Variants in LMTK2 observed in about 807,000 individuals in gnomAD.
The protein encoded by LMTK2 is serine/threonine-protein kinase LMTK2.
A neutral mutation model predicts 127.5 loss-of-function variants in LMTK2; 37 were observed. The observed-to-expected ratio is 0.29, with a 90% CI of 0.22 to 0.38. The LOEUF (loss-of-function observed/expected upper bound fraction) is 0.38, where lower values mean the gene tolerates loss of function less well. Ranked by LOEUF, LMTK2 falls within the 10% of genes least tolerant of loss-of-function variation. The probability of loss-of-function intolerance (pLI) is 1.00; values close to 1 mark genes in which losing one functional copy is unlikely to be tolerated. For missense variants in LMTK2, 1,694 were observed against 1,920.3 expected, an observed-to-expected ratio of 0.88 and a Z score of 2.20; for synonymous variants, 819 against 810.1, an observed-to-expected ratio of 1.01 and a Z score of -0.19.
intron 9 of LMTK2, among the ~76,000 whole-genome samples, chr7:98,189,919 C>G (rs1232917111): frequency 2.0e-5 from 3 of 151,986 alleles, no homozygotes; most frequent in African/African-American, 7.2e-5. Context: ...GTGGGTCTCA[C>G]AGAGAGGATA....
intron 6 of LMTK2, among the ~76,000 whole-genome samples, chr7:98,163,888 T>C (rs1797050857): frequency 6.6e-6 from 1 of 152,224 alleles, no homozygotes; most frequent in Admixed American, 6.5e-5. Context: ...AAAAAGCTGC[T>C]GTGGCCACGG....
At chr7:98,162,948 TAAAAG>T (rs565649473) in intron 6 of LMTK2, among the ~76,000 whole-genome samples, 1 of 152,208 alleles carries the variant, frequency 6.6e-6, no homozygotes, top group South Asian at 2.1e-4. Flanking sequence ...GGAGGATTGT[TAAAAG>T]GAAGGAAATT....
chr7:98,126,082 G>A lies in LMTK2; in HGVS notation c.104-11233G>A, dbSNP rs746117167. Among the ~76,000 whole-genome samples, 25 of 152,318 alleles carry A rather than the reference G, an allele frequency of 1.6e-4. 1 individual carries two copies. The Middle Eastern group carries it at 0.01, about 62-fold the overall frequency. ...GGGCTCTGAGAACATAGACTCCATC[G>A]AGGGATTGTAGGAGATTTGAAAGAA... On this transcript the variant is annotated intron_variant, in intron 1 of 13. Coordinates refer to ENST00000297293, the MANE Select transcript of LMTK2 (RefSeq NM_014916.4).
At chr7:98,162,663 C>T (rs375022103) in intron 6 of LMTK2, among the ~76,000 whole-genome samples, 20 of 152,280 alleles carry the variant, frequency 1.3e-4, no homozygotes, top group Non-Finnish European at 2.4e-4. Flanking sequence ...TTAATTTAAG[C>T]GTCCCACCTA....
intron 9 of LMTK2, among the ~76,000 whole-genome samples, chr7:98,188,796 G>A (rs1797476937): frequency 6.6e-6 from 1 of 152,164 alleles, no homozygotes. Flanking sequence ...ACCTTTTGGG[G>A]TTGATTGTAT....
intron 1 of LMTK2, among the ~76,000 whole-genome samples, chr7:98,111,640 G>A (rs1279656928): frequency 6.6e-6 from 1 of 152,174 alleles, no homozygotes; most frequent in Admixed American, 6.5e-5. Flanking sequence ...GGGCACAGTG[G>A]TGTACCCTCT....
At position 98,208,568 on chromosome 7, in the gene LMTK2, C is replaced by A. The variant is rs1390816141; in HGVS notation, c.*3076C>A. The A allele has an allele frequency of 4.6e-5, 7 of 152,148 alleles. No individual in the cohort carries two copies. 9.4% of individuals were successfully genotyped at this position (152,148 alleles called of 1,614,324 possible). A position where few individuals can be genotyped will look rare whatever the true frequency, so the allele number is the denominator to read the frequency against. Reference sequence around the variant, plus strand: ...CAACCCAGAATCAATCTGAATTAGTCCTGTTTTGGTGGAGTTTGTACATTT... The same window carrying A: ...CAACCCAGAATCAATCTGAATTAGTACTGTTTTGGTGGAGTTTGTACATTT... On this transcript the variant is annotated 3_prime_UTR_variant, in exon 14 of 14. Transcript: ENST00000297293.
intron 9 of LMTK2, among the ~76,000 whole-genome samples, chr7:98,187,595 T>G (rs866482232): frequency 2.0e-5 from 3 of 151,808 alleles, no homozygotes; most frequent in Non-Finnish European, 2.9e-5. Context: ...TATATATGTT[T>G]TTGTTGTTGT....
intron 6 of LMTK2, among the ~76,000 whole-genome samples, chr7:98,168,204 T>C (rs184697053): frequency 3.9e-5 from 6 of 152,076 alleles, no homozygotes; most frequent in Non-Finnish European, 8.8e-5. Context: ...TGGGAGGTGT[T>C]TGGGGCCAGA....
intron 2 of LMTK2, among the ~76,000 whole-genome samples, 159 bp downstream of exon 2, chr7:98,137,601 T>C (rs916093299): frequency 3.9e-5 from 6 of 152,204 alleles, no homozygotes; most frequent in African/African-American, 1.4e-4. Context: ...ATAGTAAATA[T>C]TGTGGGCCAT....
chr7:98,117,123 G>T (rs1796298750), intron 1 of LMTK2, among the ~76,000 whole-genome samples: 1 of 152,048 alleles, frequency 6.6e-6, no homozygotes, highest in African/African-American at 2.4e-5. Context: ...CCCTCCCCAT[G>T]GTGTACGAGT....
chr7:98,127,146 TGATA>T (rs1333707393), intron 1 of LMTK2, among the ~76,000 whole-genome samples: 1 of 152,224 alleles, frequency 6.6e-6, no homozygotes, highest in African/African-American at 2.4e-5. Flanking sequence ...GAAACCTTGA[TGATA>T]GATGGGTTTG....
At chr7:98,137,570 A>T in intron 2 of LMTK2, 128 bp downstream of exon 2, 1 of 762,994 alleles carries the variant, frequency 1.3e-6, no homozygotes, top group Non-Finnish European at 2.0e-6. Context: ...GCCAAATAGT[A>T]AATATTTTCT....
At chr7:98,144,194 G>A (rs1283358115) in intron 3 of LMTK2, among the ~76,000 whole-genome samples, 6 of 152,068 alleles carry the variant, frequency 3.9e-5, no homozygotes, top group Non-Finnish European at 7.4e-5. Flanking sequence ...ACTTCGGGAG[G>A]CCGAGGCAGG....
At chr7:98,183,111 A>G (rs1478306900) in intron 7 of LMTK2, among the ~76,000 whole-genome samples, 1 of 152,214 alleles carries the variant, frequency 6.6e-6, no homozygotes, top group Non-Finnish European at 1.5e-5. Context: ...TTTGCCCCCA[A>G]ATATATTCCT....
At chr7:98,168,414 G>T (rs1055923928) in intron 6 of LMTK2, among the ~76,000 whole-genome samples, 1 of 152,238 alleles carries the variant, frequency 6.6e-6, no homozygotes. Flanking sequence ...GAGGCGTGGC[G>T]GCGTCAGCTG....
At chr7:98,146,145 G>A (rs1197439961) in intron 3 of LMTK2, among the ~76,000 whole-genome samples, 2 of 151,976 alleles carry the variant, frequency 1.3e-5, no homozygotes, top group Non-Finnish European at 2.9e-5. Flanking sequence ...CTGGACTCTC[G>A]GCTGTATGTC....
At chr7:98,202,574 G>C (rs567233960) in intron 11 of LMTK2, among the ~76,000 whole-genome samples, 3 of 152,296 alleles carry the variant, frequency 2.0e-5, no homozygotes, top group African/African-American at 7.2e-5. Flanking sequence ...AGCAGGCCTT[G>C]ACCCGGTGGG....
chr7:98,185,284 CTT>C, intron 8 of LMTK2, 149 bp downstream of exon 8: 1 of 559,896 alleles, frequency 1.8e-6, no homozygotes. Context: ...GTGGTCTAGG[CTT>C]CTGGCGTGTG....
Sources: gnomAD v4.1 joint callset for allele counts (sites outside exome capture counted in the v4.1 genomes callset) on GRCh38, gnomAD v4.1.1 for gene constraint, MANE v1.5 for transcripts, NCBI Gene and HGNC (gene_info 2026-07-23, HGNC 2026-07-21) for gene names.